Variants in FRMD4A observed in about 807,000 individuals in gnomAD.
FRMD4A encodes the protein FERM domain containing 4A.
In FRMD4A, 29 loss-of-function variants were observed where a neutral mutation model predicts 129.1. The ratio of observed to expected loss-of-function variants is 0.22; its 90% CI spans 0.17 to 0.31. The LOEUF is 0.31. FRMD4A is among the 10% of genes least tolerant of loss of function. FRMD4A has a pLI of 1.00. For synonymous variants in FRMD4A, 634 were observed against 571.6 expected (o/e 1.11, Z -1.56); for missense variants, 1,272 against 1,375.8 (o/e 0.92, Z 1.19).
chr10:13,963,733 C>G (rs1043235708), intron 2 of FRMD4A, among the ~76,000 whole-genome samples: 1 of 152,112 alleles, frequency 6.6e-6, no homozygotes, highest in Non-Finnish European at 1.5e-5. Context: ...ATTACAAACC[C>G]TATTCTAGGT....
chr10:13,714,021 A>T (rs866689569), intron 12 of FRMD4A, among the ~76,000 whole-genome samples: 7 of 1,466 alleles, frequency 4.8e-3, no homozygotes, highest in East Asian at 0.062. Context: ...ACATATATAA[A>T]ATATACATAT....
At chr10:14,010,664 C>CTTTGTTTTTTTTTTTTTTTT (rs2095678765) in intron 2 of FRMD4A, among the ~76,000 whole-genome samples, 1 of 76,418 alleles carries the variant, frequency 1.3e-5, no homozygotes, top group Non-Finnish European at 2.4e-5. Context: ...GAGTTTAGGT[C>CTTTGTTTTTTTTTTTTTTTT]TTTTTTTTTT....
At chr10:14,022,096 T>C (rs1832785423) in intron 2 of FRMD4A, among the ~76,000 whole-genome samples, 1 of 152,298 alleles carries the variant, frequency 6.6e-6, no homozygotes, top group Middle Eastern at 3.4e-3. Flanking sequence ...TACAAAGGTG[T>C]CCTTGCCTTT....
chr10:14,306,665 C>T (rs970242669), intron 2 of FRMD4A, among the ~76,000 whole-genome samples: 4 of 152,176 alleles, frequency 2.6e-5, no homozygotes, highest in Non-Finnish European at 5.9e-5. Context: ...TCCTATGCCC[C>T]TGTAAGGGGA....
At chr10:13,662,889 A>G (rs1379621577) in intron 19 of FRMD4A, among the ~76,000 whole-genome samples, 1 of 152,168 alleles carries the variant, frequency 6.6e-6, no homozygotes, top group Non-Finnish European at 1.5e-5. Context: ...AGCTATGCCT[A>G]GTGTGTAGAT....
chr10:13,811,632 G>C (rs2093447909), intron 3 of FRMD4A, among the ~76,000 whole-genome samples: 1 of 151,714 alleles, frequency 6.6e-6, no homozygotes, highest in Non-Finnish European at 1.5e-5. Flanking sequence ...TAGGCATAAA[G>C]TCATGGTAGA....
intron 2 of FRMD4A, among the ~76,000 whole-genome samples, chr10:14,240,148 C>T (rs1418124212): frequency 2.0e-5 from 3 of 152,192 alleles, no homozygotes; most frequent in Non-Finnish European, 4.4e-5. Flanking sequence ...CTTCATTATT[C>T]TCGCCCATGC....
chr10:14,182,522 G>C (rs1415288598), intron 2 of FRMD4A, among the ~76,000 whole-genome samples: 1 of 152,168 alleles, frequency 6.6e-6, no homozygotes, highest in East Asian at 1.9e-4. Flanking sequence ...ACTCCAGCCT[G>C]GACAACAGAG....
At chr10:14,079,086 C>T (rs1002807678) in intron 2 of FRMD4A, among the ~76,000 whole-genome samples, 3 of 152,164 alleles carry the variant, frequency 2.0e-5, no homozygotes, top group African/African-American at 7.2e-5. Context: ...ATCTGTTGGG[C>T]CCATAGTACT....
intron 2 of FRMD4A, among the ~76,000 whole-genome samples, chr10:14,318,317 A>AACC (rs1261249984): frequency 2.9e-5 from 4 of 135,766 alleles, no homozygotes; most frequent in South Asian, 2.4e-4. Flanking sequence ...ACCAAGCTAT[A>AACC]TCCCCCCCCA....
At chr10:14,257,906 G>A (rs546362105) in intron 2 of FRMD4A, among the ~76,000 whole-genome samples, 71 of 152,314 alleles carry the variant, frequency 4.7e-4, no homozygotes, top group Admixed American at 1.6e-3. Context: ...CCAGTTTGTG[G>A]TCATCTGCTA....
At chr10:13,786,809 G>C (rs927927741) in intron 5 of FRMD4A, among the ~76,000 whole-genome samples, 2 of 152,126 alleles carry the variant, frequency 1.3e-5, no homozygotes, top group African/African-American at 4.8e-5. Context: ...GTGCTCTAAT[G>C]ATGATTTTGA....
At chr10:14,203,921 T>A (rs1308130228) in intron 2 of FRMD4A, among the ~76,000 whole-genome samples, 1 of 152,224 alleles carries the variant, frequency 6.6e-6, no homozygotes, top group African/African-American at 2.4e-5. Flanking sequence ...GATCTATTTG[T>A]CTATCGTAGT....
intron 2 of FRMD4A, among the ~76,000 whole-genome samples, chr10:14,328,081 C>T (rs1414209867): frequency 6.6e-6 from 1 of 152,126 alleles, no homozygotes; most frequent in African/African-American, 2.4e-5. Context: ...GGGAAAATTT[C>T]CCTGAACTAA....
At chr10:14,306,737 G>T (rs1285537287) in intron 2 of FRMD4A, among the ~76,000 whole-genome samples, 1 of 152,160 alleles carries the variant, frequency 6.6e-6, no homozygotes. Flanking sequence ...TTCAGTGGAG[G>T]TTTCTCTGTT....
intron 2 of FRMD4A, among the ~76,000 whole-genome samples, chr10:14,123,091 T>TA (rs1233491985): frequency 6.8e-6 from 1 of 147,844 alleles, no homozygotes; most frequent in African/African-American, 2.5e-5. Flanking sequence ...ATTTCAATAT[T>TA]AAAAAACCTT....
intron 2 of FRMD4A, among the ~76,000 whole-genome samples, chr10:13,912,802 G>C (rs749192355): frequency 6.6e-6 from 1 of 152,036 alleles, no homozygotes; most frequent in Non-Finnish European, 1.5e-5. Context: ...GGCTGGGCGT[G>C]GTGGCTCACA....
intron 22 of FRMD4A, among the ~76,000 whole-genome samples, chr10:13,656,311 C>A (rs914018000): frequency 1.3e-5 from 2 of 152,162 alleles, no homozygotes; most frequent in African/African-American, 4.8e-5. Context: ...GTTGGATAAA[C>A]CCAGAGACAT....
rs1222972277 is a variant in FRMD4A at position 13,701,401 on chromosome 10, T to C, written c.914A>G (p.Lys305Arg). The change falls in exon 14 of 25, where the codon AAG becomes AGG. Residue 305 changes from lysine (K) to arginine (R), a missense_variant. Transcript: ENST00000357447. ...GCTTATGGCCATAGCCCAGATGGAC[T>C]TGATCAATGCCGGACATGCATACCA... ...HTWYACPALI[K>R]SIWAMAISQH... is the part of the protein sequence containing the mutation. The C allele has an allele frequency of 1.2e-6, 2 of 1,614,074 alleles. No homozygotes were observed. The highest frequency in any genetic ancestry group is 1.1e-5 in the South Asian group (1 of 91,088).
Sources: allele counts gnomAD v4.1 joint callset (sites outside exome capture counted in the v4.1 genomes callset), GRCh38; gene constraint gnomAD v4.1.1; transcripts MANE v1.5; gene names NCBI Gene and HGNC (gene_info 2026-07-23, HGNC 2026-07-21).